Variants in FAM222A observed in about 807,000 individuals in gnomAD.
The protein encoded by FAM222A is family with sequence similarity 222 member A.
Under a neutral mutation model 25.8 loss-of-function variants are expected in FAM222A, and 7 were observed. That is an observed-to-expected ratio of 0.27 (90% CI 0.15 to 0.51). The LOEUF (loss-of-function observed/expected upper bound fraction) is 0.51. Ranked by LOEUF, FAM222A falls within the 20% of genes least tolerant of loss-of-function variation. FAM222A has a pLI of 0.97. For missense variants in FAM222A, 573 were observed against 640.5 expected (o/e 0.89, Z 1.14); for synonymous variants, 294 against 298.8 (o/e 0.98, Z 0.17).
At chr12:109,728,317 C>G (rs993008529) in intron 1 of FAM222A, among the ~76,000 whole-genome samples, 1 of 151,768 alleles carries the variant, frequency 6.6e-6, no homozygotes, top group Non-Finnish European at 1.5e-5. Context: ...TAAGGTGACT[C>G]GTCAGGGGTC....
At chr12:109,747,409 A>ATTT (rs1888432310) in intron 2 of FAM222A, among the ~76,000 whole-genome samples, 1 of 152,146 alleles carries the variant, frequency 6.6e-6, no homozygotes, top group Non-Finnish European at 1.5e-5. Context: ...AGTACATTTT[A>ATTT]GTATTTGGTA....
chr12:109,723,737 G>C (rs894310232), intron 1 of FAM222A, among the ~76,000 whole-genome samples: 1 of 152,234 alleles, frequency 6.6e-6, no homozygotes, highest in East Asian at 1.9e-4. Context: ...TGGGCCCCAA[G>C]CCCAGAGCAG....
chr12:109,723,014 G>T (rs932310560), intron 1 of FAM222A, among the ~76,000 whole-genome samples: 1 of 151,394 alleles, frequency 6.6e-6, no homozygotes, highest in Non-Finnish European at 1.5e-5. Context: ...GGGGGGGGAG[G>T]GGGTATCAGG....
chr12:109,751,793 G>C (rs1321086757), intron 2 of FAM222A, among the ~76,000 whole-genome samples: 1 of 152,216 alleles, frequency 6.6e-6, no homozygotes, highest in Non-Finnish European at 1.5e-5. Context: ...CTTTTGGAAA[G>C]TGTTTGCTGC....
At chr12:109,756,339 A>G (rs766438147) in intron 2 of FAM222A, among the ~76,000 whole-genome samples, 1 of 150,796 alleles carries the variant, frequency 6.6e-6, no homozygotes. Flanking sequence ...TCCTGTATAC[A>G]AGATAATGTC....
At chr12:109,732,965 G>C (rs150219595) in intron 1 of FAM222A, among the ~76,000 whole-genome samples, 1 of 152,310 alleles carries the variant, frequency 6.6e-6, no homozygotes, top group East Asian at 1.9e-4. Flanking sequence ...TAATTTCAGA[G>C]CAGTAATGAC....
intron 2 of FAM222A, among the ~76,000 whole-genome samples, chr12:109,746,989 A>T (rs1192248661): frequency 1.3e-5 from 2 of 152,244 alleles, no homozygotes; most frequent in Non-Finnish European, 2.9e-5. Flanking sequence ...CCAAATCACA[A>T]AATCTGAAAT....
At position 109,768,577 on chromosome 12, in the gene FAM222A, AC is replaced by A; in HGVS notation, c.653del (p.Pro218LeufsTer50). On this transcript the variant is annotated frameshift_variant, in exon 3 of 3. Coordinates refer to ENST00000538780, the MANE Select transcript of FAM222A (RefSeq NM_032829.3). LOFTEE classifies it high-confidence loss of function. ...AGCAGTGCCAGGCCCCGGGCGCCGCACCCCCTGCCTGCCAGGGCATGGCTAT... is the reference window on the plus strand; with the variant it reads ...AGCAGTGCCAGGCCCCGGGCGCCGCACCCCTGCCTGCCAGGGCATGGCTAT... Reference protein sequence around the residue: ...NQQCQAPGAAPPACQGMAIPH... With the variant: ...NQQCQAPGAAXPACQGMAIPH... 1.3e-6 allele frequency: 2 copies of A among 1,599,890 alleles called. No individual in the cohort carries two copies. Among genetic ancestry groups the A allele is most frequent in the Non-Finnish European group, 8.5e-7 (1 of 1,175,256 alleles).
chr12:109,729,113 T>C (rs868741437), intron 1 of FAM222A, among the ~76,000 whole-genome samples: 7 of 152,024 alleles, frequency 4.6e-5, no homozygotes, highest in African/African-American at 9.7e-5. Context: ...GCAGGTAACA[T>C]GAGGAGCAAA....
intron 1 of FAM222A, chr12:109,719,954 C>T (rs981769386): frequency 2.1e-5 from 7 of 331,824 alleles, no homozygotes; most frequent in Admixed American, 6.5e-5. Context: ...TGCACTCTCA[C>T]TGGCTGTGTC....
chr12:109,760,153 CCA>C (rs1414427902), intron 2 of FAM222A, among the ~76,000 whole-genome samples: 4 of 152,128 alleles, frequency 2.6e-5, no homozygotes, highest in Non-Finnish European at 5.9e-5. Context: ...TGGGTGGAGG[CCA>C]TCCCTGCCTC....
At chr12:109,716,662 C>T (rs569991475) in intron 1 of FAM222A, among the ~76,000 whole-genome samples, 1 of 152,318 alleles carries the variant, frequency 6.6e-6, no homozygotes, top group African/African-American at 2.4e-5. Context: ...GAAACAAACT[C>T]GGAGTGCGCG....
chr12:109,736,994 T>A (rs1888103960), intron 1 of FAM222A, among the ~76,000 whole-genome samples: 1 of 152,190 alleles, frequency 6.6e-6, no homozygotes, highest in Non-Finnish European at 1.5e-5. Context: ...CAGGCACTGC[T>A]GTAGCACCGT....
At chr12:109,762,162 G>A (rs1888917426) in intron 2 of FAM222A, among the ~76,000 whole-genome samples, 2 of 152,194 alleles carry the variant, frequency 1.3e-5, no homozygotes, top group Admixed American at 1.3e-4. Context: ...CCCATGCCCT[G>A]CTGTTCTGGT....
intron 1 of FAM222A, among the ~76,000 whole-genome samples, chr12:109,731,806 T>G (rs1232207730): frequency 5.9e-5 from 9 of 151,932 alleles, no homozygotes; most frequent in Admixed American, 5.9e-4. Flanking sequence ...CAAACTACAG[T>G]GAAAAGAGCG....
At chr12:109,728,123 A>G (rs1384391481) in intron 1 of FAM222A, among the ~76,000 whole-genome samples, 1 of 152,186 alleles carries the variant, frequency 6.6e-6, no homozygotes, top group Non-Finnish European at 1.5e-5. Context: ...GGGCCACACA[A>G]GCATAGGCTG....
At chr12:109,760,196 C>G (rs1357137718) in intron 2 of FAM222A, among the ~76,000 whole-genome samples, 1 of 152,164 alleles carries the variant, frequency 6.6e-6, no homozygotes, top group East Asian at 1.9e-4. Flanking sequence ...CACATTTCAC[C>G]ACTTTGGATC....
chr12:109,761,615 TG>T (rs1479041755), intron 2 of FAM222A, among the ~76,000 whole-genome samples: 1 of 152,182 alleles, frequency 6.6e-6, no homozygotes, highest in Non-Finnish European at 1.5e-5. Context: ...TACAGGCATG[TG>T]GGAGCCGCCT....
At position 109,768,340 on chromosome 12, in the gene FAM222A, A is replaced by G. The variant is rs1262099352; in HGVS notation, c.411A>G (p.Ser137=). The change falls in exon 3 of 3, where the codon TCA becomes TCG. Residue 137 remains serine (S), a synonymous_variant. Coordinates refer to ENST00000538780, the MANE Select transcript of FAM222A (RefSeq NM_032829.3). ...KSAEGKRTKL[S]PAAVQVGIAP... is the part of the protein sequence containing the mutation. Reference sequence around the variant, plus strand: ...CCGAGGGCAAGCGGACCAAGCTGTCACCGGCCGCCGTGCAGGTGGGCATTG... The same window carrying G: ...CCGAGGGCAAGCGGACCAAGCTGTCGCCGGCCGCCGTGCAGGTGGGCATTG... The G allele has an allele frequency of 6.3e-7, 1 of 1,596,410 alleles. No individual in the cohort carries two copies. The highest frequency in any genetic ancestry group is 2.3e-5 in the East Asian group (1 of 44,058).
Sources: gnomAD v4.1 joint callset for allele counts (sites outside exome capture counted in the v4.1 genomes callset) on GRCh38, gnomAD v4.1.1 for gene constraint, MANE v1.5 for transcripts, NCBI Gene and HGNC (gene_info 2026-07-23, HGNC 2026-07-21) for gene names.